NUBPL: variants seen among roughly 807,000 people sequenced by gnomAD.
NUBPL encodes iron-sulfur cluster transfer protein NUBPL.
In NUBPL, 31 loss-of-function variants were observed where a neutral mutation model predicts 45.7. The ratio of observed to expected loss-of-function variants is 0.68; its 90% confidence interval spans 0.51 to 0.92. NUBPL has a LOEUF of 0.92. Among genes scored for constraint, NUBPL ranks in the 40% least tolerant of loss-of-function variants. The pLI is 0.00. For missense variants in NUBPL, 401 were observed against 398.7 expected (o/e 1.01, Z -0.05); for synonymous variants, 144 against 140.9 (o/e 1.02, Z -0.15).
chr14:31,659,113 T>C (rs1404800941), intron 4 of NUBPL, among the ~76,000 whole-genome samples: 1 of 152,126 alleles, frequency 6.6e-6, no homozygotes. Context: ...AACTGTAAAA[T>C]GGAGATATTA....
rs370306506 is a variant in NUBPL, at chr14:31,714,554, G to A, written c.513+40980G>A. The A allele has an allele frequency of 5.5e-4, 84 of 153,280 alleles. 2 individuals are homozygous for A. The South Asian group carries it at 0.016, about 29-fold the overall frequency. 9.5% of individuals were successfully genotyped at this position (153,280 alleles called of 1,614,324 possible). A position where few individuals can be genotyped will look rare whatever the true frequency, so the allele number is the denominator to read the frequency against. Reference sequence around the variant, plus strand: ...GACAGCAGAAGGAAGAGAGACAGGCGGGAGACCCCAGATTCTTCTAAACAA... The same window carrying A: ...GACAGCAGAAGGAAGAGAGACAGGCAGGAGACCCCAGATTCTTCTAAACAA... On this transcript the variant is annotated intron_variant, in intron 6 of 10. Transcript: ENST00000281081.
At chr14:31,835,693 GC>G (rs939535726) in intron 8 of NUBPL, among the ~76,000 whole-genome samples, 2 of 151,746 alleles carry the variant, frequency 1.3e-5, no homozygotes, top group Non-Finnish European at 2.9e-5. Context: ...ATGGACACAG[GC>G]CCCCCCATTC....
intron 3 of NUBPL, among the ~76,000 whole-genome samples, chr14:31,592,492 C>T (rs1190062916): frequency 2.0e-5 from 3 of 151,998 alleles, no homozygotes; most frequent in African/African-American, 7.3e-5. Context: ...GTGAGGTTGT[C>T]AGATTTAGCA....
At chr14:31,657,942 T>C (rs971124990) in intron 4 of NUBPL, among the ~76,000 whole-genome samples, 1 of 152,190 alleles carries the variant, frequency 6.6e-6, no homozygotes, top group Admixed American at 6.5e-5. Flanking sequence ...ATACATCATA[T>C]GAATTTGATA....
chr14:31,791,005 A>T (rs1176345386), intron 7 of NUBPL, among the ~76,000 whole-genome samples: 3 of 152,186 alleles, frequency 2.0e-5, no homozygotes, highest in Non-Finnish European at 4.4e-5. Context: ...GTAGTGGCTC[A>T]TGCCTGTAAT....
intron 6 of NUBPL, among the ~76,000 whole-genome samples, chr14:31,777,115 A>G (rs1237755184): frequency 6.6e-6 from 1 of 152,212 alleles, no homozygotes; most frequent in Non-Finnish European, 1.5e-5. Context: ...CAAAGGTTCT[A>G]TAGATTAAAA....
Position 31,576,150 on chromosome 14 carries a change from C to T in NUBPL, c.291+11102C>T, listed in dbSNP as rs115188796. On this transcript the variant is annotated intron_variant, in intron 3 of 10. Transcript: ENST00000281081. ...GAATATTTGATAATTGTGACATCTA[C>T]ACACACACTTTCATATATTCATTTA... 2.6e-3 allele frequency among the ~76,000 whole-genome samples: 395 copies of T among 152,292 alleles called. 5 individuals are homozygous for T. The highest frequency in any genetic ancestry group is 9.0e-3 in the African/African-American group (374 of 41,564).
At chr14:31,641,140 C>G (rs931722597) in intron 4 of NUBPL, among the ~76,000 whole-genome samples, 1 of 151,998 alleles carries the variant, frequency 6.6e-6, no homozygotes, top group African/African-American at 2.4e-5. Flanking sequence ...TTAGTGGAGA[C>G]AGGGTTTCAC....
Position 31,859,133 on chromosome 14 carries a change from A to G in NUBPL, c.913A>G (p.Arg305Gly). The G allele has an allele frequency of 6.2e-7, 1 of 1,613,898 alleles. No individual in the cohort carries two copies. The change falls in exon 11 of 11, where the codon AGG becomes GGG. Residue 305 changes from arginine to glycine, a missense_variant. Coordinates refer to ENST00000281081, the MANE Select transcript of NUBPL (RefSeq NM_025152.3). ...TCTTTTCCAGGCCAAAGCTTACTTG[A>G]GGATTGCTGTGGAAGTGGTAAGAAG... ...PESDEAKAYLRIAVEVVRRLP... is the reference protein window; with the variant it reads ...PESDEAKAYLGIAVEVVRRLP...
intron 7 of NUBPL, among the ~76,000 whole-genome samples, chr14:31,816,625 G>A (rs565387829): frequency 1.6e-4 from 24 of 152,150 alleles, no homozygotes; most frequent in African/African-American, 5.8e-4. Flanking sequence ...TGATGTTAGG[G>A]TGTCGATTTT....
At chr14:31,829,907 AT>A (rs1595687709) in intron 8 of NUBPL, among the ~76,000 whole-genome samples, 1 of 152,244 alleles carries the variant, frequency 6.6e-6, no homozygotes, top group East Asian at 1.9e-4. Flanking sequence ...TAGGTAGACT[AT>A]TTTTTTAAAC....
chr14:31,659,836 G>A (rs570266388), intron 4 of NUBPL, among the ~76,000 whole-genome samples: 1 of 152,290 alleles, frequency 6.6e-6, no homozygotes, highest in South Asian at 2.1e-4. Context: ...ATGAGAAAAT[G>A]AGAGTTTTGA....
chr14:31,701,563 G>A (rs2037340418), intron 6 of NUBPL, among the ~76,000 whole-genome samples: 1 of 152,212 alleles, frequency 6.6e-6, no homozygotes. Context: ...CCGCCTTTAT[G>A]AGCTGTAACA....
intron 6 of NUBPL, among the ~76,000 whole-genome samples, chr14:31,719,247 A>G (rs976205986): frequency 3.3e-5 from 5 of 152,174 alleles, no homozygotes; most frequent in African/African-American, 1.2e-4. Context: ...CCAGGAAAAG[A>G]TAAAGATTCA....
chr14:31,803,097 G>A (rs976535626), intron 7 of NUBPL, among the ~76,000 whole-genome samples: 5 of 152,082 alleles, frequency 3.3e-5, no homozygotes, highest in African/African-American at 1.2e-4. Context: ...TGTCAGTTTG[G>A]ACAATGGTTT....
At chr14:31,623,359 A>G (rs12894811) in intron 4 of NUBPL, among the ~76,000 whole-genome samples, 44,074 of 152,054 alleles carry the variant, frequency 0.29, 7,394 homozygotes, top group South Asian at 0.41. Context: ...TTAATGCTGG[A>G]ATGAGTTAAG....
chr14:31,646,533 T>A (rs1255745437), intron 4 of NUBPL, among the ~76,000 whole-genome samples: 2 of 152,200 alleles, frequency 1.3e-5, no homozygotes, highest in East Asian at 1.9e-4. Context: ...AATGTTATTC[T>A]TTTCCCTTCT....
chr14:31,605,761 T>C (rs1474116964), intron 4 of NUBPL, among the ~76,000 whole-genome samples: 39 of 150,986 alleles, frequency 2.6e-4, no homozygotes, highest in African/African-American at 9.0e-4. Context: ...CCTTCCTCCT[T>C]CTCCTTCTCC....
At chr14:31,834,188 T>TTC (rs1329453533) in intron 8 of NUBPL, among the ~76,000 whole-genome samples, 1 of 144,988 alleles carries the variant, frequency 6.9e-6, no homozygotes, top group Non-Finnish European at 1.5e-5. Context: ...CTTTTTTTTT[T>TTC]TTTTTTTTTT....
Sources: gnomAD v4.1 joint callset for allele counts (sites outside exome capture counted in the v4.1 genomes callset) on GRCh38, gnomAD v4.1.1 for gene constraint, MANE v1.5 for transcripts, NCBI Gene and HGNC (gene_info 2026-07-23, HGNC 2026-07-21) for gene names.